Variants in PCDH7 observed in about 807,000 individuals in gnomAD.
The protein encoded by PCDH7 is protocadherin 7.
Under a neutral mutation model 58.9 loss-of-function variants are expected in PCDH7, and 17 were observed. The ratio of observed to expected loss-of-function variants is 0.29; its 90% CI spans 0.20 to 0.43. The LOEUF is 0.43. Ranked by LOEUF, PCDH7 falls within the 20% of genes least tolerant of loss-of-function variation. PCDH7 has a pLI of 1.00. For missense variants in PCDH7, 1,274 were observed against 1,441.0 expected, an observed-to-expected ratio of 0.88 and a Z score of 1.88; for synonymous variants, 664 against 616.4, an observed-to-expected ratio of 1.08 and a Z score of -1.14.
chr4:30,906,238 A>G (rs557198127), intron 1 of PCDH7, among the ~76,000 whole-genome samples: 1 of 152,206 alleles, frequency 6.6e-6, no homozygotes, highest in East Asian at 1.9e-4. Flanking sequence ...CAACCCATAT[A>G]CTCTTACGGT....
chr4:31,084,386 T>C (rs1237406443), intron 3 of PCDH7, among the ~76,000 whole-genome samples: 1 of 152,118 alleles, frequency 6.6e-6, no homozygotes, highest in African/African-American at 2.4e-5. Context: ...GTTAAAAGTA[T>C]GGCTATTGAG....
chr4:30,964,535 C>T (rs1259632287), intron 3 of PCDH7, among the ~76,000 whole-genome samples: 1 of 152,050 alleles, frequency 6.6e-6, no homozygotes, highest in Admixed American at 6.6e-5. Flanking sequence ...GCCACCGCAC[C>T]CGGCCCAGTA....
At chr4:31,041,990 C>A (rs539770334) in intron 3 of PCDH7, among the ~76,000 whole-genome samples, 14 of 152,122 alleles carry the variant, frequency 9.2e-5, no homozygotes, top group Non-Finnish European at 1.9e-4. Flanking sequence ...GAAAGCTAAT[C>A]AAAAAGGTAA....
At chr4:30,986,468 G>A (rs538101587) in intron 3 of PCDH7, among the ~76,000 whole-genome samples, 45 of 152,060 alleles carry the variant, frequency 3.0e-4, no homozygotes, top group African/African-American at 9.6e-4. Flanking sequence ...AGCATAAAAT[G>A]ATTCACTATT....
chr4:30,960,548 G>A (rs11935571), intron 3 of PCDH7, among the ~76,000 whole-genome samples: 93,487 of 152,022 alleles, frequency 0.61, 30,014 homozygotes, highest in African/African-American at 0.81. Flanking sequence ...GATCTGGGGA[G>A]GAAATTATAG....
At chr4:30,828,108 G>A (rs920813859) in intron 1 of PCDH7, among the ~76,000 whole-genome samples, 1 of 152,010 alleles carries the variant, frequency 6.6e-6, no homozygotes, top group African/African-American at 2.4e-5. Context: ...ATTATCATAA[G>A]CACTGTATAA....
chr4:30,900,684 A>G (rs568906726), intron 1 of PCDH7, among the ~76,000 whole-genome samples: 1 of 152,314 alleles, frequency 6.6e-6, no homozygotes, highest in African/African-American at 2.4e-5. Context: ...TGAGTAAAAT[A>G]TAGACATAAA....
At chr4:30,987,472 T>C (rs1751079575) in intron 3 of PCDH7, 1 of 152,110 alleles carries the variant, frequency 6.6e-6, no homozygotes, top group African/African-American at 2.4e-5. Flanking sequence ...ATAGTATCTC[T>C]GGGAAGTTTT....
At chr4:30,920,209 G>T (rs1173717358) in exon 2 of PCDH7, 1 of 1,367,742 alleles carries the variant, frequency 7.3e-7, no homozygotes, top group Non-Finnish European at 9.8e-7. Flanking sequence ...CACATCAGGG[G>T]TCACTGCAGA....
intron 1 of PCDH7, among the ~76,000 whole-genome samples, chr4:30,755,827 T>C (rs1719219669): frequency 6.6e-6 from 1 of 152,070 alleles, no homozygotes; most frequent in Non-Finnish European, 1.5e-5. Flanking sequence ...ACACCTGTAA[T>C]CCCAGCACTT....
chr4:30,935,592 C>T (rs981425233), intron 2 of PCDH7, among the ~76,000 whole-genome samples: 4 of 152,016 alleles, frequency 2.6e-5, no homozygotes, highest in Non-Finnish European at 4.4e-5. Context: ...TGACAGAAAC[C>T]AGTAACTCAC....
intron 1 of PCDH7, among the ~76,000 whole-genome samples, chr4:30,902,910 A>T (rs1397646992): frequency 1.3e-5 from 2 of 152,084 alleles, no homozygotes; most frequent in Admixed American, 1.3e-4. Context: ...AAGAATTCAA[A>T]CCATTTTTCT....
intron 3 of PCDH7, among the ~76,000 whole-genome samples, chr4:30,961,424 T>C (rs1426342031): frequency 2.0e-5 from 3 of 150,256 alleles, no homozygotes; most frequent in African/African-American, 7.3e-5. Flanking sequence ...TGGTAGCGGG[T>C]GCCTGTAGTC....
At chr4:31,069,838 T>C (rs940741656) in intron 3 of PCDH7, among the ~76,000 whole-genome samples, 2 of 90,076 alleles carry the variant, frequency 2.2e-5, no homozygotes, top group African/African-American at 8.4e-5. Context: ...TTCTAATATA[T>C]ATTTTATATA....
intron 1 of PCDH7, among the ~76,000 whole-genome samples, chr4:30,803,936 G>A (rs993461108): frequency 6.6e-6 from 1 of 152,166 alleles, no homozygotes; most frequent in African/African-American, 2.4e-5. Flanking sequence ...CAGTATTCTA[G>A]CATATAGTGA....
intron 3 of PCDH7, among the ~76,000 whole-genome samples, chr4:31,031,996 C>T (rs1341351763): frequency 3.9e-5 from 6 of 152,152 alleles, no homozygotes; most frequent in African/African-American, 1.4e-4. Context: ...TGCTCAATCT[C>T]CGAAAGCAGC....
intron 3 of PCDH7, among the ~76,000 whole-genome samples, chr4:31,091,938 A>T (rs1393950969): frequency 6.6e-6 from 1 of 151,934 alleles, no homozygotes; most frequent in Non-Finnish European, 1.5e-5. Context: ...TGAAATCATA[A>T]TCAAGCTCAA....
chr4:30,785,863 A>C (rs939087284), intron 1 of PCDH7, among the ~76,000 whole-genome samples: 1 of 152,010 alleles, frequency 6.6e-6, no homozygotes, highest in Admixed American at 6.6e-5. Context: ...AAAGTGATTT[A>C]TTATTATTTT....
chr4:30,921,744 AT>A (rs953902320), intron 2 of PCDH7, among the ~76,000 whole-genome samples: 10 of 151,640 alleles, frequency 6.6e-5, no homozygotes, highest in Non-Finnish European at 8.8e-5. Flanking sequence ...TTTTTTAGTA[AT>A]TTTTTTAATG....
Sources: allele counts gnomAD v4.1 joint callset (sites outside exome capture counted in the v4.1 genomes callset), GRCh38; gene constraint gnomAD v4.1.1; transcripts MANE v1.5; gene names NCBI Gene and HGNC (gene_info 2026-07-23, HGNC 2026-07-21).